Variants in EPHA3 observed in about 807,000 individuals in gnomAD.
EPHA3 encodes EPH receptor A3.
EPHA3 carries 42 observed loss-of-function variants against 107.1 expected under a neutral mutation model. The ratio of observed to expected loss-of-function variants is 0.39; its 90% CI spans 0.31 to 0.51. The LOEUF is 0.51. EPHA3 is among the 20% of genes least tolerant of loss of function. The pLI is 0.78. For missense variants in EPHA3, 1,183 were observed against 1,211.2 expected (o/e 0.98, Z 0.35); for synonymous variants, 461 against 424.8 (o/e 1.09, Z -1.05).
chr3:89,407,031 A>G (rs1285077792), intron 7 of EPHA3, among the ~76,000 whole-genome samples: 3 of 152,190 alleles, frequency 2.0e-5, no homozygotes, highest in Non-Finnish European at 4.4e-5. Context: ...GATTGATGTC[A>G]TTGAAACAAA....
chr3:89,171,963 G>A (rs1705219762), intron 2 of EPHA3, among the ~76,000 whole-genome samples: 1 of 152,150 alleles, frequency 6.6e-6, no homozygotes, highest in South Asian at 2.1e-4. Context: ...TTAAAAAGTA[G>A]TGTTCTGTGA....
At position 89,450,179 on chromosome 3, in the gene EPHA3, A is replaced by G. The variant is rs2107554730; in HGVS notation, c.2499A>G (p.Val833=). 1 of 1,585,118 alleles carries G rather than the reference A, an allele frequency of 6.3e-7. No homozygotes were observed. The highest frequency in any genetic ancestry group is 8.6e-7 in the Non-Finnish European group (1 of 1,165,476). ...RPYWEMSNQD[V]IKAVDEGYRL... ...TGAAAACTTTGCTTCTCACACAGGT[A>G]ATTAAAGCTGTAGATGAGGGCTATC... is the stretch of plus-strand genomic sequence containing the variant. Residue 833 remains valine (V), a splice_region_variant and synonymous_variant, in exon 15 of 17, where the codon GTA becomes GTG. Coordinates refer to ENST00000336596, the MANE Select transcript of EPHA3 (RefSeq NM_005233.6).
At chr3:89,135,875 T>C (rs1313259221) in intron 2 of EPHA3, among the ~76,000 whole-genome samples, 1 of 151,904 alleles carries the variant, frequency 6.6e-6, no homozygotes, top group African/African-American at 2.4e-5. Flanking sequence ...CATAGAACTG[T>C]TTAAAATGAA....
intron 3 of EPHA3, among the ~76,000 whole-genome samples, chr3:89,318,884 A>G (rs1210681608): frequency 6.6e-6 from 1 of 151,986 alleles, no homozygotes; most frequent in Non-Finnish European, 1.5e-5. Context: ...TTGTGAAATC[A>G]GAACACACAC....
At chr3:89,466,662 T>G (rs1710282475) in intron 15 of EPHA3, among the ~76,000 whole-genome samples, 1 of 130,304 alleles carries the variant, frequency 7.7e-6, no homozygotes, top group Admixed American at 7.6e-5. Flanking sequence ...GCTTCCCAGG[T>G]GAGGCAATGC....
In EPHA3 at chr3:89,210,516, C is replaced by A. The variant is rs546244959; in HGVS notation, c.810C>A (p.Cys270Ter). Residue 270 changes from cysteine to a stop codon, truncating the protein, a stop_gained, in exon 3 of 17, where the codon TGC becomes TGA. Transcript: ENST00000336596. LOFTEE classifies it high-confidence loss of function. ...GCTATGAAGAAAGAGGTTTTATGTG[C>A]CAAGGTAAGAGCCTTCTCTATTTTT... The part of the protein sequence containing the change: ...NAGYEERGFM[C>*]QACRPGFYKA... 1 of 1,541,284 alleles carries A rather than the reference C, an allele frequency of 6.5e-7. No individual in the cohort carries two copies.
At chr3:89,419,503 C>A (rs75430041) in intron 11 of EPHA3, 113 bp downstream of exon 11, 69,952 of 881,454 alleles carry the variant, frequency 0.079, 3,010 homozygotes, top group Middle Eastern at 0.1. Flanking sequence ...CTCAGTTTTA[C>A]CAAAAAGAAA....
intron 3 of EPHA3, among the ~76,000 whole-genome samples, chr3:89,321,040 A>C (rs1412197171): frequency 6.6e-6 from 1 of 152,000 alleles, no homozygotes. Context: ...CAAAGTTCAC[A>C]CCACTGGCTT....
At chr3:89,205,480 A>G (rs1256851508) in intron 2 of EPHA3, among the ~76,000 whole-genome samples, 1 of 152,144 alleles carries the variant, frequency 6.6e-6, no homozygotes, top group Non-Finnish European at 1.5e-5. Context: ...TTCAGAATGG[A>G]CTGTCCAGTG....
chr3:89,301,389 T>C (rs1304114629), intron 3 of EPHA3, among the ~76,000 whole-genome samples: 1 of 151,958 alleles, frequency 6.6e-6, no homozygotes, highest in Non-Finnish European at 1.5e-5. Context: ...ATATGTCTAC[T>C]CCTAAAAGAG....
At chr3:89,109,436 A>G (rs1052088719) in intron 1 of EPHA3, among the ~76,000 whole-genome samples, 4 of 152,040 alleles carry the variant, frequency 2.6e-5, no homozygotes, top group African/African-American at 4.8e-5. Context: ...CTAGAAAAAT[A>G]GTATTAAAAT....
chr3:89,370,425 C>T (rs1422561426), intron 5 of EPHA3, among the ~76,000 whole-genome samples: 3 of 151,242 alleles, frequency 2.0e-5, no homozygotes, highest in South Asian at 4.1e-4. Flanking sequence ...CCAAACACCG[C>T]ATGTTCTCAC....
intron 2 of EPHA3, among the ~76,000 whole-genome samples, chr3:89,177,658 G>A (rs1705349495): frequency 6.6e-6 from 1 of 152,154 alleles, no homozygotes; most frequent in Non-Finnish European, 1.5e-5. Flanking sequence ...AAAATGTGAA[G>A]GATAGCAAAT....
chr3:89,194,194 G>A (rs1407354498), intron 2 of EPHA3, among the ~76,000 whole-genome samples: 1 of 151,810 alleles, frequency 6.6e-6, no homozygotes, highest in African/African-American at 2.4e-5. Context: ...ACTCTTTATA[G>A]TACATGGATT....
In EPHA3 at chr3:89,479,783, T is replaced by C. The variant is rs1710589252; in HGVS notation, c.*281T>C. 2.8e-6 allele frequency: 1 copy of C among 352,018 alleles called. No homozygotes were observed. Among genetic ancestry groups the C allele is most frequent in the African/African-American group, 2.1e-5 (1 of 48,654 alleles). 21.8% of individuals were successfully genotyped at this position (352,018 alleles called of 1,614,324 possible). A position where few individuals can be genotyped will look rare whatever the true frequency, so the allele number is the denominator to read the frequency against. ...AGCGTAAAATGGTGAAGAACTAGCA[T>C]ATAGCCATTGATCATAAACTGACTA... is the stretch of plus-strand genomic sequence containing the variant. On this transcript the variant is annotated 3_prime_UTR_variant, in exon 17 of 17. Coordinates refer to ENST00000336596, the MANE Select transcript of EPHA3 (RefSeq NM_005233.6).
intron 8 of EPHA3, 40 bp downstream of exon 8, chr3:89,407,411 G>A (rs747120838): frequency 4.0e-6 from 6 of 1,502,130 alleles, no homozygotes; most frequent in Non-Finnish European, 5.6e-6. Flanking sequence ...TTTCTTTGTT[G>A]CTTTGTTTGC....
intron 3 of EPHA3, among the ~76,000 whole-genome samples, chr3:89,271,713 G>A (rs1705673537): frequency 6.6e-6 from 1 of 151,692 alleles, no homozygotes; most frequent in Non-Finnish European, 1.5e-5. Context: ...GAAGGGGAAG[G>A]AAAAGCAGAA....
At chr3:89,382,270 G>A (rs753266913) in intron 5 of EPHA3, among the ~76,000 whole-genome samples, 3 of 152,086 alleles carry the variant, frequency 2.0e-5, no homozygotes, top group Non-Finnish European at 4.4e-5. Context: ...CACTTTGAGA[G>A]GCAAAGCTGG....
intron 3 of EPHA3, among the ~76,000 whole-genome samples, chr3:89,293,040 G>A (rs1286898463): frequency 1.3e-5 from 2 of 152,210 alleles, no homozygotes; most frequent in African/African-American, 4.8e-5. Context: ...TTGCCATTCT[G>A]ATAGGTATGT....
Sources: allele counts gnomAD v4.1 joint callset (sites outside exome capture counted in the v4.1 genomes callset), GRCh38; gene constraint gnomAD v4.1.1; transcripts MANE v1.5; gene names NCBI Gene and HGNC (gene_info 2026-07-23, HGNC 2026-07-21).